DENND2B: variants seen among roughly 807,000 people sequenced by gnomAD.
The protein encoded by DENND2B is DENN domain containing 2B, also known as DENN domain-containing protein 2B.
A neutral mutation model predicts 116.0 loss-of-function variants in DENND2B; 32 were observed. The ratio of observed to expected loss-of-function variants is 0.28; its 90% CI spans 0.21 to 0.37. The LOEUF is 0.37. Ranked by LOEUF, DENND2B falls within the 10% of genes least tolerant of loss-of-function variation. DENND2B has a pLI of 1.00. For synonymous variants in DENND2B, 588 were observed against 583.9 expected (o/e 1.01, Z -0.10); for missense variants, 1,276 against 1,477.7 (o/e 0.86, Z 2.24).
Position 8,698,941 on chromosome 11 carries a change from T to A in DENND2B, c.2932A>T (p.Ile978Phe), listed in dbSNP as rs2040967083. 1 of 1,614,070 alleles carries A rather than the reference T, an allele frequency of 6.2e-7. No individual in the cohort carries two copies. Among genetic ancestry groups the A allele is most frequent in the Non-Finnish European group, 8.5e-7 (1 of 1,180,046 alleles). Residue 978 changes from isoleucine to phenylalanine, a missense_variant, in exon 16 of 20, where the codon ATC becomes TTC. Ile to Phe is a conservative substitution (Grantham distance 21, BLOSUM62 0). Coordinates refer to ENST00000313726, the MANE Select transcript of DENND2B (RefSeq NM_213618.2). ...AGCACCCACCCTCTTACCTGTCGGA[T>A]GAATCGGTCAGATCCCAGATTCACC... ...LMVNLGSDRFIRQMDDEDTLL... is the reference protein window; with the variant it reads ...LMVNLGSDRFFRQMDDEDTLL...
intron 1 of DENND2B, among the ~76,000 whole-genome samples, chr11:8,758,667 T>C (rs572386801): frequency 3.9e-5 from 6 of 152,142 alleles, no homozygotes; most frequent in Non-Finnish European, 8.8e-5. Context: ...AATGAGAAAA[T>C]TTACCATCAC....
Position 8,730,418 on chromosome 11 carries a change from A to C in DENND2B, c.872T>G (p.Val291Gly). Residue 291 changes from valine to glycine, a missense_variant, in exon 3 of 20, where the codon GTC (valine) becomes GGC (glycine). By Grantham distance (109) the Val-to-Gly change is moderately radical. Transcript: ENST00000313726. The surrounding 1 kb of genome is among the most constrained non-coding windows in gnomAD (Gnocchi z 4.1). ...CCCCCGGCCCGGCTGCTCCTTCAGG[A>C]CCTGTTCAATTTTCTGGATCCGGCT... Reference protein sequence around the residue: ...VLSRIQKIEQVLKEQPGRGLP... With the variant: ...VLSRIQKIEQGLKEQPGRGLP... 1.2e-6 allele frequency: 2 copies of C among 1,607,794 alleles called. No individual in the cohort carries two copies. Among genetic ancestry groups the C allele is most frequent in the Non-Finnish European group, 1.7e-6 (2 of 1,179,826 alleles).
chr11:8,868,875 T>C (rs2063675682), intron 2 of DENND2B, among the ~76,000 whole-genome samples: 1 of 152,222 alleles, frequency 6.6e-6, no homozygotes, highest in South Asian at 2.1e-4. Context: ...TTTATAATTC[T>C]TAGATTCTAA....
intron 1 of DENND2B, among the ~76,000 whole-genome samples, chr11:8,909,041 C>T (rs1409918632): frequency 6.6e-6 from 1 of 152,060 alleles, no homozygotes; most frequent in East Asian, 1.9e-4. Flanking sequence ...ACTAGATGCA[C>T]CTTAAACTCT....
chr11:8,838,812 C>T (rs919959439), intron 4 of DENND2B, among the ~76,000 whole-genome samples: 3 of 152,164 alleles, frequency 2.0e-5, no homozygotes, highest in African/African-American at 7.2e-5. Flanking sequence ...ATCTTCATGA[C>T]CTTGGGGCGG....
chr11:8,817,619 T>C (rs752444321), intron 4 of DENND2B, among the ~76,000 whole-genome samples: 2 of 152,158 alleles, frequency 1.3e-5, no homozygotes, highest in African/African-American at 2.4e-5. Context: ...GTGAAGCAGC[T>C]ACCACACACC....
At chr11:8,821,868 T>A (rs1225053106) in intron 4 of DENND2B, among the ~76,000 whole-genome samples, 1 of 152,168 alleles carries the variant, frequency 6.6e-6, no homozygotes, top group African/African-American at 2.4e-5. Flanking sequence ...CTTGGCTCAC[T>A]GCAACCTCTG....
intron 1 of DENND2B, among the ~76,000 whole-genome samples, chr11:8,804,839 C>A (rs2060701290): frequency 6.6e-6 from 1 of 152,052 alleles, no homozygotes; most frequent in Non-Finnish European, 1.5e-5. Flanking sequence ...CCACTGCGCC[C>A]AACCAGCAGC....
chr11:8,792,765 G>C (rs1431697228), intron 1 of DENND2B, among the ~76,000 whole-genome samples: 3 of 152,180 alleles, frequency 2.0e-5, no homozygotes, highest in Non-Finnish European at 4.4e-5. Flanking sequence ...GTAAAAAAAT[G>C]TATAACACCT....
chr11:8,796,584 T>G (rs2059834997), intron 1 of DENND2B, among the ~76,000 whole-genome samples: 1 of 152,174 alleles, frequency 6.6e-6, no homozygotes, highest in South Asian at 2.1e-4. Context: ...ATGTTCAATT[T>G]CCAAGAAGTG....
rs549854101 is a variant in DENND2B at position 8,799,389 on chromosome 11, T to C, written c.-26+11128A>G. ...GGAGGTTGGAGAGAGGCAGAGAACA[T>C]AAGAAACTTCAGTATTTTCTTTCCT... On this transcript the variant is annotated intron_variant, in intron 1 of 19. Coordinates refer to ENST00000313726, the MANE Select transcript of DENND2B (RefSeq NM_213618.2). 3.3e-5 allele frequency among the ~76,000 whole-genome samples: 5 copies of C among 152,208 alleles called. No homozygotes were observed. The East Asian group carries it at 9.7e-4, about 29-fold the overall frequency.
intron 18 of DENND2B, 182 bp from the exon 19 acceptor site, chr11:8,695,731 C>T (rs2040239315): frequency 5.0e-6 from 3 of 602,146 alleles, no homozygotes; most frequent in Admixed American, 5.9e-5. Context: ...TCATTAGTGA[C>T]ATCTTGCCGG....
intron 1 of DENND2B, among the ~76,000 whole-genome samples, chr11:8,903,474 TAAAAA>T (rs35974143): frequency 8.6e-6 from 1 of 116,272 alleles, no homozygotes; most frequent in Non-Finnish European, 1.7e-5. Context: ...ACCAAGATGT[TAAAAA>T]AAAAAAAAAA....
chr11:8,763,763 T>C (rs990672433), intron 1 of DENND2B, among the ~76,000 whole-genome samples: 2 of 151,998 alleles, frequency 1.3e-5, no homozygotes, highest in Non-Finnish European at 2.9e-5. Context: ...GACTGTTTCT[T>C]GATCTGAGTG....
At chr11:8,852,517 T>C (rs1446116951) in intron 3 of DENND2B, among the ~76,000 whole-genome samples, 1 of 152,068 alleles carries the variant, frequency 6.6e-6, no homozygotes, top group African/African-American at 2.4e-5. Flanking sequence ...AAACAAATGA[T>C]AACAGAAGAG....
At chr11:8,906,851 G>C (rs1028079889) in intron 1 of DENND2B, among the ~76,000 whole-genome samples, 1 of 152,134 alleles carries the variant, frequency 6.6e-6, no homozygotes, top group African/African-American at 2.4e-5. Context: ...TGATTCCAAA[G>C]CTCTTAAGTC....
At chr11:8,700,964 G>A (rs2041481394) in intron 14 of DENND2B, among the ~76,000 whole-genome samples, 1 of 152,070 alleles carries the variant, frequency 6.6e-6, no homozygotes, top group Admixed American at 6.5e-5. Flanking sequence ...TGGGACTACA[G>A]GCCCAGCTAA....
At chr11:8,764,706 C>G (rs1026096260) in intron 1 of DENND2B, among the ~76,000 whole-genome samples, 1 of 152,016 alleles carries the variant, frequency 6.6e-6, no homozygotes, top group African/African-American at 2.4e-5. Flanking sequence ...TGGTGGCTCA[C>G]GCCTGTAATT....
intron 2 of DENND2B, among the ~76,000 whole-genome samples, chr11:8,734,537 C>T (rs578257964): frequency 8.1e-4 from 123 of 152,228 alleles, no homozygotes; most frequent in African/African-American, 2.8e-3. Flanking sequence ...CCTGTAATCC[C>T]GGCACTTTGG....
Sources: allele counts gnomAD v4.1 joint callset (sites outside exome capture counted in the v4.1 genomes callset), GRCh38; gene constraint gnomAD v4.1.1; non-coding constraint Gnocchi (gnomAD v3.1); transcripts MANE v1.5; gene names NCBI Gene and HGNC (gene_info 2026-07-23, HGNC 2026-07-21).